DEF8: variants seen among roughly 807,000 people sequenced by gnomAD.
DEF8 encodes the protein differentially expressed in FDCP 8 homolog.
DEF8 carries 38 observed loss-of-function variants against 59.1 expected under a neutral mutation model. The observed-to-expected ratio is 0.64, with a 90% CI of 0.50 to 0.84. The LOEUF (loss-of-function observed/expected upper bound fraction) is 0.84, where lower values mean the gene tolerates loss of function less well. Ranked by LOEUF, DEF8 falls within the 40% of genes least tolerant of loss-of-function variation. The probability of loss-of-function intolerance (pLI) is 0.00; values close to 1 mark genes in which losing one functional copy is unlikely to be tolerated. For synonymous variants in DEF8, 265 were observed against 250.1 expected, an observed-to-expected ratio of 1.06 and a Z score of -0.56; for missense variants, 557 against 615.2, an observed-to-expected ratio of 0.91 and a Z score of 1.00.
chr16:89,963,749 A>G (rs2034328687), intron 10 of DEF8: 1 of 511,296 alleles, frequency 2.0e-6, no homozygotes, highest in Non-Finnish European at 3.6e-6. Context: ...TGCTCAACAG[A>G]TACAGATGTT....
chr16:89,963,294 G>T, intron 9 of DEF8, 69 bp from the exon 10 acceptor site: 2 of 1,392,758 alleles, frequency 1.4e-6, no homozygotes, highest in Non-Finnish European at 2.0e-6. Context: ...GGCCCCGGGT[G>T]TGCGGCCCAC....
intron 10 of DEF8, 77 bp from the exon 11 acceptor site, chr16:89,964,093 C>T (rs762063961): frequency 7.6e-6 from 12 of 1,586,842 alleles, no homozygotes; most frequent in East Asian, 2.2e-5. Flanking sequence ...TGGGCCCTGA[C>T]CACTGCAGCG....
Position 89,949,741 on chromosome 16 carries a change from C to T in DEF8, c.-11+228C>T, listed in dbSNP as rs1467473024. On this transcript the variant is annotated intron_variant, in intron 2 of 12. Coordinates refer to ENST00000563594, the MANE Select transcript of DEF8 (RefSeq NM_001242818.2). The stretch of plus-strand genomic sequence containing the variant: ...TCCTTTCATTGCTAAGTTGTGGGGT[C>T]CTCCCCGATGAGAGCAGTGGGCTCT... 4 of 1,160,286 alleles carry T rather than the reference C, an allele frequency of 3.4e-6. No individual in the cohort carries two copies. In the Admixed American group the frequency reaches 7.6e-5, roughly 22 times the overall value. 71.9% of individuals were successfully genotyped at this position (1,160,286 alleles called of 1,614,324 possible).
chr16:89,960,959 C>G lies in DEF8; in HGVS notation c.543C>G (p.Cys181Trp). 1 of 1,614,086 alleles carries G rather than the reference C, an allele frequency of 6.2e-7. No individual in the cohort carries two copies. The highest frequency in any genetic ancestry group is 8.5e-7 in the Non-Finnish European group (1 of 1,179,998). Residue 181 changes from cysteine (C) to tryptophan (W), a missense_variant, in exon 7 of 13, where the codon TGC (cysteine) becomes TGG (tryptophan). By Grantham distance (215) the Cys-to-Trp change is radical. Transcript: ENST00000563594. ...TGCYYRCHSK[C>W]LNLISKPCVS... is the part of the protein sequence containing the mutation. ...GTTATTACCGCTGTCACAGTAAGTG[C>G]TTGAACCTCATCTCCAAGCCCTGTG...
intron 2 of DEF8, chr16:89,950,452 A>C (rs1207224167): frequency 1.7e-6 from 1 of 583,768 alleles, no homozygotes; most frequent in Non-Finnish European, 2.2e-6. Context: ...GCAGTGGCAC[A>C]ATCTCGGCTC....
intron 12 of DEF8, 52 bp downstream of exon 12, chr16:89,964,627 CT>C: frequency 2.1e-6 from 3 of 1,415,752 alleles, no homozygotes; most frequent in Non-Finnish European, 2.9e-6. Context: ...GCGCTGTCCT[CT>C]GGGGAGCTGC....
In DEF8 at chr16:89,964,258, C is replaced by T. The variant is rs769918370; in HGVS notation, c.1091C>T (p.Ser364Leu). Residue 364 changes from serine (S) to leucine (L), a missense_variant, in exon 11 of 13, where the codon TCG (serine) becomes TTG (leucine). Coordinates refer to ENST00000563594, the MANE Select transcript of DEF8 (RefSeq NM_001242818.2). ...GTGCATGCCGGCCGCCTGGGCTGCT[C>T]GCTCACCGAGATCCACACGCTCTTC... ...LDVHAGRLGC[S>L]LTEIHTLFAK... The T allele has an allele frequency of 6.7e-6, 10 of 1,494,082 alleles. No homozygotes were observed. Among genetic ancestry groups the T allele is most frequent in the Non-Finnish European group, 7.1e-6 (8 of 1,120,316 alleles). The allele number at this position is 1,494,082 out of a possible 1,614,324, so 92.6% of individuals were successfully genotyped here. A position where few individuals can be genotyped will look rare whatever the true frequency, so the allele number is the denominator to read the frequency against.
intron 6 of DEF8, among the ~76,000 whole-genome samples, chr16:89,959,582 C>T (rs1205455300): frequency 6.6e-6 from 1 of 152,260 alleles, no homozygotes; most frequent in Non-Finnish European, 1.5e-5. Context: ...GCAAGCTCCA[C>T]CTCCCGGGTT....
chr16:89,953,195 C>T (rs2032511984), intron 2 of DEF8, among the ~76,000 whole-genome samples: 1 of 152,212 alleles, frequency 6.6e-6, no homozygotes, highest in Admixed American at 6.5e-5. Flanking sequence ...CTTTCTATAA[C>T]ATCAACAGAC....
At position 89,950,130 on chromosome 16, in the gene DEF8, G is replaced by A. The variant is rs529892970; in HGVS notation, c.-11+617G>A. 1.8e-5 allele frequency: 18 copies of A among 987,882 alleles called. No homozygotes were observed. In the Admixed American group the frequency reaches 5.5e-4, roughly 30 times the overall value. 61.2% of individuals were successfully genotyped at this position (987,882 alleles called of 1,614,324 possible). On this transcript the variant is annotated intron_variant, in intron 2 of 12. Coordinates refer to ENST00000563594, the MANE Select transcript of DEF8 (RefSeq NM_001242818.2). ...GCAGAACGGAGGTGTCCCTGCCAGC[G>A]TGCCTTCCTTGACGCTCCTCTGGCC... is the stretch of plus-strand genomic sequence containing the variant.
intron 5 of DEF8, among the ~76,000 whole-genome samples, chr16:89,958,716 C>T (rs113969209): frequency 1.1e-4 from 16 of 152,198 alleles, no homozygotes; most frequent in Admixed American, 7.9e-4. Flanking sequence ...GCAGAGAGGC[C>T]GGGTCGCTCC....
intron 4 of DEF8, chr16:89,956,700 G>T (rs2033262513): frequency 1.3e-5 from 2 of 152,030 alleles, no homozygotes; most frequent in Non-Finnish European, 2.9e-5. Flanking sequence ...ATAGACACGG[G>T]GTCTCGCTCT....
chr16:89,949,615 C>G, intron 2 of DEF8, 102 bp downstream of exon 2: 1 of 1,612,466 alleles, frequency 6.2e-7, no homozygotes, highest in Non-Finnish European at 8.5e-7. Flanking sequence ...GTGGTCACGC[C>G]GCGGGCAGGA....
intron 2 of DEF8, chr16:89,952,685 A>T (rs949053093): frequency 1.3e-5 from 2 of 152,292 alleles, no homozygotes; most frequent in Admixed American, 1.3e-4. Flanking sequence ...GTCATCAGGT[A>T]ATAAGAGAAG....
chr16:89,962,504 A>G (rs866754041), intron 9 of DEF8, among the ~76,000 whole-genome samples: 1 of 152,068 alleles, frequency 6.6e-6, no homozygotes, highest in Non-Finnish European at 1.5e-5. Flanking sequence ...CTAAAAATAC[A>G]AAATTGGCCG....
At chr16:89,960,608 G>A (rs1257662239) in intron 6 of DEF8, among the ~76,000 whole-genome samples, 1 of 151,658 alleles carries the variant, frequency 6.6e-6, no homozygotes, top group Non-Finnish European at 1.5e-5. Context: ...ACCGAGATGG[G>A]GAAGCTGAGG....
intron 12 of DEF8, among the ~76,000 whole-genome samples, 193 bp downstream of exon 12, chr16:89,964,768 T>C (rs1473919435): frequency 6.6e-6 from 1 of 152,128 alleles, no homozygotes; most frequent in African/African-American, 2.4e-5. Context: ...TGTGACTAAA[T>C]GAGAAGTTCC....
In DEF8 at chr16:89,955,219, C is replaced by T. The variant is rs762968402; in HGVS notation, c.175C>T (p.Arg59Cys). The change falls in exon 4 of 13, where the codon CGC becomes TGC. Residue 59 changes from arginine to cysteine, a missense_variant. Physicochemically the swap from Arg to Cys is radical, Grantham distance 180. Coordinates refer to ENST00000563594, the MANE Select transcript of DEF8 (RefSeq NM_001242818.2). ...GGAGCCGGAATTCCGCTGCCCTGAA[C>T]GCGTGATGGATCTCGGCCTGTCTGA... ...PGEPEFRCPERVMDLGLSEDH... is the reference protein window; with the variant it reads ...PGEPEFRCPECVMDLGLSEDH... 38 of 1,613,678 alleles carry T rather than the reference C, an allele frequency of 2.4e-5. No homozygotes were observed. Among genetic ancestry groups the T allele is most frequent in the Middle Eastern group, 3.3e-4 (2 of 6,084 alleles).
chr16:89,963,302 C>A, intron 9 of DEF8, 61 bp from the exon 10 acceptor site: 1 of 1,481,976 alleles, frequency 6.7e-7, no homozygotes, highest in Non-Finnish European at 9.2e-7. Context: ...GTGTGCGGCC[C>A]ACACAGGGGC....
Sources: allele counts gnomAD v4.1 joint callset (sites outside exome capture counted in the v4.1 genomes callset), GRCh38; gene constraint gnomAD v4.1.1; transcripts MANE v1.5; gene names NCBI Gene and HGNC (gene_info 2026-07-23, HGNC 2026-07-21).